Variants in NETO1 observed in about 807,000 individuals in gnomAD.
NETO1 encodes neuropilin and tolloid-like protein 1.
In NETO1, 26 loss-of-function variants were observed where a neutral mutation model predicts 61.3. That is an observed-to-expected ratio of 0.42 (90% CI 0.31 to 0.59). The LOEUF is 0.59. NETO1 is among the 20% of genes least tolerant of loss of function. The pLI is 0.12. For synonymous variants in NETO1, 225 were observed against 225.8 expected (o/e 1.00, Z 0.03); for missense variants, 531 against 662.8 (o/e 0.80, Z 2.18).
chr18:72,828,604 A>C (rs2073471393), intron 4 of NETO1, among the ~76,000 whole-genome samples: 1 of 152,240 alleles, frequency 6.6e-6, no homozygotes, highest in South Asian at 2.1e-4. Context: ...ACAAGTGATT[A>C]AAAATTTGAA....
intron 7 of NETO1, among the ~76,000 whole-genome samples, chr18:72,772,244 C>T (rs565675426): frequency 6.6e-6 from 1 of 152,256 alleles, no homozygotes; most frequent in East Asian, 1.9e-4. Context: ...TCATCTCTAA[C>T]CATTAGATCT....
At chr18:72,818,576 ATTC>A (rs1420987932) in intron 4 of NETO1, among the ~76,000 whole-genome samples, 1 of 152,196 alleles carries the variant, frequency 6.6e-6, no homozygotes, top group African/African-American at 2.4e-5. Context: ...TTTCACGACT[ATTC>A]TTTGGAAAAT....
intron 7 of NETO1, among the ~76,000 whole-genome samples, chr18:72,757,513 G>C (rs1599099062): frequency 6.6e-6 from 1 of 151,918 alleles, no homozygotes; most frequent in East Asian, 1.9e-4. Context: ...AACCCAAACA[G>C]TTCCCTCTCT....
At chr18:72,824,740 A>T (rs140821395) in intron 4 of NETO1, among the ~76,000 whole-genome samples, 70 of 151,786 alleles carry the variant, frequency 4.6e-4, no homozygotes, top group African/African-American at 1.4e-3. Context: ...AAAGCCAGTC[A>T]TGGTGGTGCA....
rs1422415017 is a variant in NETO1, at chr18:72,744,718, T to G, written c.*3461A>C. 6.6e-6 allele frequency: 1 copy of G among 152,196 alleles called. No homozygotes were observed. The highest frequency in any genetic ancestry group is 1.5e-5 in the Non-Finnish European group (1 of 68,028). The allele number at this position is 152,196 out of a possible 1,614,324, so 9.4% of individuals were successfully genotyped here. On this transcript the variant is annotated 3_prime_UTR_variant, in exon 11 of 11. Coordinates refer to ENST00000327305, the MANE Select transcript of NETO1 (RefSeq NM_138966.5). Reference sequence around the variant, plus strand: ...AGAGAGGGAATCTGACATGACTCATTTTCATCAGAGATACACAAACTTCAT... The same window carrying G: ...AGAGAGGGAATCTGACATGACTCATGTTCATCAGAGATACACAAACTTCAT...
chr18:72,856,698 G>A (rs1007599632), intron 4 of NETO1, among the ~76,000 whole-genome samples: 7 of 152,118 alleles, frequency 4.6e-5, no homozygotes, highest in South Asian at 2.1e-4. Context: ...AGTGCTCCTC[G>A]CAGCTGTCCT....
intron 7 of NETO1, among the ~76,000 whole-genome samples, chr18:72,776,013 TATA>T (rs1372870595): frequency 1.3e-5 from 2 of 152,170 alleles, no homozygotes. Flanking sequence ...TTTCTGTTGC[TATA>T]AAGGCATACT....
At chr18:72,769,354 G>T (rs1380778305) in intron 7 of NETO1, among the ~76,000 whole-genome samples, 1 of 152,100 alleles carries the variant, frequency 6.6e-6, no homozygotes, top group African/African-American at 2.4e-5. Flanking sequence ...TTACAGAGCA[G>T]AGTTATTATT....
intron 6 of NETO1, among the ~76,000 whole-genome samples, chr18:72,791,365 T>C (rs965608895): frequency 6.6e-6 from 1 of 152,224 alleles, no homozygotes; most frequent in Admixed American, 6.5e-5. Context: ...TGTGCTTTGA[T>C]AGTCTATTCT....
chr18:72,784,699 C>T (rs533654947), intron 6 of NETO1, among the ~76,000 whole-genome samples: 1 of 152,296 alleles, frequency 6.6e-6, no homozygotes, highest in East Asian at 1.9e-4. Context: ...CATTATGCTG[C>T]CTTAGGTGTA....
At chr18:72,799,302 A>C (rs1490804779) in intron 4 of NETO1, among the ~76,000 whole-genome samples, 1 of 152,208 alleles carries the variant, frequency 6.6e-6, no homozygotes, top group Non-Finnish European at 1.5e-5. Flanking sequence ...TGGGATGACG[A>C]GTCTACCAGT....
chr18:72,834,485 T>C (rs902715772), intron 4 of NETO1: 117 of 977,976 alleles, frequency 1.2e-4, no homozygotes, highest in South Asian at 3.8e-4. Flanking sequence ...TTTTAAATTA[T>C]GTGACACTTA....
chr18:72,833,246 G>A lies in NETO1; in HGVS notation c.469+25580C>T, dbSNP rs564155661. Among the ~76,000 whole-genome samples the A allele has an allele frequency of 3.9e-5, 6 of 152,266 alleles. No homozygotes were observed. The East Asian group carries it at 9.7e-4, about 25-fold the overall frequency. On this transcript the variant is annotated intron_variant, in intron 4 of 10. Coordinates refer to ENST00000327305, the MANE Select transcript of NETO1 (RefSeq NM_138966.5). ...ACCGTTTTTCACTGCCAAGCTGTTT[G>A]AGTCATAGATATTTCTGACATTTAA... is the stretch of plus-strand genomic sequence containing the variant.
intron 7 of NETO1, among the ~76,000 whole-genome samples, chr18:72,773,416 A>G (rs1175946953): frequency 1.3e-5 from 2 of 152,206 alleles, no homozygotes; most frequent in Non-Finnish European, 2.9e-5. Context: ...ATCCCAGGCT[A>G]TTCACAAGTT....
chr18:72,831,288 C>T (rs2073569937), intron 4 of NETO1, among the ~76,000 whole-genome samples: 1 of 152,194 alleles, frequency 6.6e-6, no homozygotes, highest in Admixed American at 6.5e-5. Context: ...TCCTATTTAA[C>T]AACTGAAGCC....
At chr18:72,755,177 T>C (rs1162620346) in intron 8 of NETO1, among the ~76,000 whole-genome samples, 2 of 152,196 alleles carry the variant, frequency 1.3e-5, no homozygotes, top group African/African-American at 4.8e-5. Context: ...AGGTCTGCAA[T>C]AAGATCACTT....
At position 72,754,734 on chromosome 18, in the gene NETO1, T is replaced by C. The variant is rs186204630; in HGVS notation, c.982+1300A>G. Among the ~76,000 whole-genome samples, 19 of 152,162 alleles carry C rather than the reference T, an allele frequency of 1.2e-4. No individual in the cohort carries two copies. The East Asian group carries it at 3.7e-3, about 29-fold the overall frequency. On this transcript the variant is annotated intron_variant, in intron 8 of 10. Transcript: ENST00000327305. ...CAATTCAACCATGATAGCTGAAAAA[T>C]TTAACACCCACTTTCAATAATGGAT... is the stretch of plus-strand genomic sequence containing the variant.
chr18:72,824,320 A>T (rs1463384694), intron 4 of NETO1, among the ~76,000 whole-genome samples: 1 of 152,158 alleles, frequency 6.6e-6, no homozygotes, highest in East Asian at 1.9e-4. Flanking sequence ...TCTCCTTTCC[A>T]TGGCATTCTA....
intron 4 of NETO1, among the ~76,000 whole-genome samples, chr18:72,828,713 T>C (rs2073475962): frequency 6.6e-6 from 1 of 152,042 alleles, no homozygotes; most frequent in African/African-American, 2.4e-5. Context: ...ACACAGAAGA[T>C]GAAGATAAAA....
Sources: gnomAD v4.1 joint callset for allele counts (sites outside exome capture counted in the v4.1 genomes callset) on GRCh38, gnomAD v4.1.1 for gene constraint, MANE v1.5 for transcripts, NCBI Gene and HGNC (gene_info 2026-07-23, HGNC 2026-07-21) for gene names.